GSDMA: variants seen among roughly 807,000 people sequenced by gnomAD.
GSDMA encodes gasdermin A.
Under a neutral mutation model 54.3 loss-of-function variants are expected in GSDMA, and 55 were observed. The observed-to-expected ratio is 1.01, with a 90% confidence interval of 0.82 to 1.27. The LOEUF (loss-of-function observed/expected upper bound fraction) is 1.27, where lower values mean the gene tolerates loss of function less well. GSDMA is among the 50% of genes most tolerant of loss of function. The pLI, the probability that GSDMA is intolerant of heterozygous loss-of-function variation, is 0.00. For missense variants in GSDMA, 542 were observed against 542.6 expected (o/e 1.00, Z 0.01); for synonymous variants, 211 against 224.7 (o/e 0.94, Z 0.54).
At chr17:39,976,493 G>A (rs1413609113) in intron 11 of GSDMA, among the ~76,000 whole-genome samples, 1 of 152,054 alleles carries the variant, frequency 6.6e-6, no homozygotes, top group Non-Finnish European at 1.5e-5. Context: ...GGCCAGGCTG[G>A]TCTCAAACTC....
Position 39,966,259 on chromosome 17 carries a change from G to A in GSDMA, c.215-1G>A, listed in dbSNP as rs764152602. The stretch of plus-strand genomic sequence containing the variant: ...CCCCTTTTGTCTTTTCCCTCCTGCA[G>A]ACCCAACAGACACTGGGAATTTTGG... On this transcript the variant is annotated splice_acceptor_variant, in intron 2 of 11. Coordinates refer to ENST00000301659, the MANE Select transcript of GSDMA (RefSeq NM_178171.5). LOFTEE classifies it high-confidence loss of function. 5 of 1,613,882 alleles carry A rather than the reference G, an allele frequency of 3.1e-6. No individual in the cohort carries two copies. Among genetic ancestry groups the A allele is most frequent in the Non-Finnish European group, 4.2e-6 (5 of 1,179,878 alleles).
chr17:39,976,560 G>A (rs1321377852), intron 11 of GSDMA, among the ~76,000 whole-genome samples: 1 of 152,156 alleles, frequency 6.6e-6, no homozygotes, highest in Non-Finnish European at 1.5e-5. Context: ...TTACAGGTGT[G>A]AGCCACCTCG....
intron 4 of GSDMA, 30 bp downstream of exon 4, chr17:39,970,677 A>T (rs867907374): frequency 9.5e-5 from 79 of 827,962 alleles, no homozygotes; most frequent in Middle Eastern, 3.4e-4. Flanking sequence ...ACACACACAC[A>T]CACACACTCT....
intron 1 of GSDMA, among the ~76,000 whole-genome samples, chr17:39,964,632 A>G (rs1048052831): frequency 6.6e-6 from 1 of 151,862 alleles, no homozygotes; most frequent in Admixed American, 6.6e-5. Flanking sequence ...GAGTGGGTGT[A>G]CTCATACCTG....
At position 39,970,679 on chromosome 17, in the gene GSDMA, A is replaced by ACTCT. The variant is rs1230674567; in HGVS notation, c.558+33_558+34insTCTC. 4 of 560,148 alleles carry ACTCT rather than the reference A, an allele frequency of 7.1e-6. No individual in the cohort carries two copies. In the African/African-American group the frequency reaches 8.3e-5, roughly 12 times the overall value. 34.7% of individuals were successfully genotyped at this position (560,148 alleles called of 1,614,324 possible). A position where few individuals can be genotyped will look rare whatever the true frequency, so the allele number is the denominator to read the frequency against. ...TTCAAACACACACACACACACACACACACACTCTCACACTCACACTCACAC... is the reference window on the plus strand; with the variant it reads ...TTCAAACACACACACACACACACACACTCTCACACTCTCACACTCACACTCACAC... On this transcript the variant is annotated intron_variant, in intron 4 of 11. Coordinates refer to ENST00000301659, the MANE Select transcript of GSDMA (RefSeq NM_178171.5).
Position 39,970,536 on chromosome 17 carries a change from C to T in GSDMA, c.447C>T (p.Asn149=), listed in dbSNP as rs751932650. 9 of 1,606,560 alleles carry T rather than the reference C, an allele frequency of 5.6e-6. No homozygotes were observed. In the East Asian group the frequency reaches 2.1e-4, roughly 37 times the overall value. The change falls in exon 4 of 12, where the codon AAC becomes AAT. Residue 149 remains asparagine, a synonymous_variant. Transcript: ENST00000301659. ...FLKEMQDQGE[N]LYVVMEVVET... is the part of the protein sequence containing the mutation. ...AGGAGATGCAAGATCAAGGGGAGAA[C>T]CTGTATGTGGTGATGGAGGTGGTGG...
In GSDMA at chr17:39,972,132, T is replaced by C; in HGVS notation, c.659T>C (p.Ile220Thr). The C allele has an allele frequency of 1.4e-6, 1 of 719,444 alleles. No homozygotes were observed. The highest frequency in any genetic ancestry group is 2.3e-6 in the Non-Finnish European group (1 of 442,684). 44.6% of individuals were successfully genotyped at this position (719,444 alleles called of 1,614,324 possible). A position where few individuals can be genotyped will look rare whatever the true frequency, so the allele number is the denominator to read the frequency against. Residue 220 changes from isoleucine to threonine, a missense_variant, in exon 6 of 12, where the codon ATT (isoleucine) becomes ACT (threonine). Physicochemically the swap from Ile to Thr is moderately conservative, Grantham distance 89. Transcript: ENST00000301659. The stretch of plus-strand genomic sequence containing the variant: ...CTCCCTCCCTTGCCCTTCACAGATA[T>C]TCCACATATCTGCAATGATAACATG... The part of the protein sequence containing the change: ...LMVKGKDEWD[I>T]PHICNDNMQT...
intron 3 of GSDMA, among the ~76,000 whole-genome samples, chr17:39,968,752 C>T (rs1010381849): frequency 1.3e-5 from 2 of 152,010 alleles, no homozygotes; most frequent in African/African-American, 2.4e-5. Flanking sequence ...CCATTGCCAA[C>T]GGTGATAGAA....
chr17:39,977,151 G>T lies in GSDMA; in HGVS notation c.*93G>T. The T allele has an allele frequency of 7.0e-7, 1 of 1,435,440 alleles. No homozygotes were observed. The highest frequency in any genetic ancestry group is 9.5e-7 in the Non-Finnish European group (1 of 1,049,382). The allele number at this position is 1,435,440 out of a possible 1,614,324, so 88.9% of individuals were successfully genotyped here. ...ACCTAAGGGCATTTCAGAGCCATCA[G>T]CTGAAGACATCTGAAATCTCAGCTG... On this transcript the variant is annotated 3_prime_UTR_variant, in exon 12 of 12. Coordinates refer to ENST00000301659, the MANE Select transcript of GSDMA (RefSeq NM_178171.5).
At chr17:39,963,933 C>G (rs1233457375) in intron 1 of GSDMA, among the ~76,000 whole-genome samples, 1 of 152,216 alleles carries the variant, frequency 6.6e-6, no homozygotes, top group African/African-American at 2.4e-5. Flanking sequence ...TAGCGCACAT[C>G]TCTCAGGGCC....
At chr17:39,976,276 ATT>A (rs10549101) in intron 11 of GSDMA, among the ~76,000 whole-genome samples, 6,481 of 142,682 alleles carry the variant, frequency 0.045, 378 homozygotes, top group African/African-American at 0.14. Flanking sequence ...TTGTAAGCAA[ATT>A]TTTTTTTTTT....
At chr17:39,967,355 T>C (rs1298181472) in intron 3 of GSDMA, among the ~76,000 whole-genome samples, 1 of 152,076 alleles carries the variant, frequency 6.6e-6, no homozygotes, top group Non-Finnish European at 1.5e-5. Context: ...CCTTGAAAGA[T>C]GAGCAGAAAT....
In GSDMA at chr17:39,977,088, C is replaced by T. The variant is rs1381792705; in HGVS notation, c.*30C>T. ...CCTTTTACGTCTGCTTCATGACTCC[C>T]TAATGCCTTCCCAACCTCGTGGTGC... On this transcript the variant is annotated 3_prime_UTR_variant, in exon 12 of 12. Transcript: ENST00000301659. 1 of 1,610,968 alleles carries T rather than the reference C, an allele frequency of 6.2e-7. No homozygotes were observed. The highest frequency in any genetic ancestry group is 8.5e-7 in the Non-Finnish European group (1 of 1,177,906).
intron 5 of GSDMA, among the ~76,000 whole-genome samples, chr17:39,971,868 T>C (rs1339125048): frequency 6.6e-6 from 1 of 152,186 alleles, no homozygotes; most frequent in Non-Finnish European, 1.5e-5. Flanking sequence ...ATGCACTGCC[T>C]CTGCTCTCAA....
intron 3 of GSDMA, among the ~76,000 whole-genome samples, chr17:39,968,882 C>G (rs1473460959): frequency 6.6e-6 from 1 of 152,140 alleles, no homozygotes; most frequent in Admixed American, 6.5e-5. Context: ...AGGTGACAAA[C>G]AGGAAGACAC....
chr17:39,969,567 C>T (rs140096691), intron 3 of GSDMA, among the ~76,000 whole-genome samples: 15 of 152,256 alleles, frequency 9.9e-5, no homozygotes, highest in African/African-American at 3.6e-4. Context: ...CAAGAGAAGC[C>T]AGCGTTGCAC....
chr17:39,975,203 C>T (rs905626602), intron 10 of GSDMA, among the ~76,000 whole-genome samples, 189 bp downstream of exon 10: 1 of 152,152 alleles, frequency 6.6e-6, no homozygotes, highest in African/African-American at 2.4e-5. Context: ...AATCCCAGCA[C>T]TTTGGGAGGC....
chr17:39,974,448 G>A, intron 9 of GSDMA, 21 bp downstream of exon 9: 1 of 1,555,136 alleles, frequency 6.4e-7, no homozygotes, highest in Non-Finnish European at 8.7e-7. Flanking sequence ...AGTGGAAGTG[G>A]GGAAGGGTGG....
rs1979667136 is a variant in GSDMA, at chr17:39,966,392, A to G, written c.347A>G (p.Gln116Arg). Residue 116 changes from glutamine (Q) to arginine (R), a missense_variant, in exon 3 of 12, where the codon CAG becomes CGG. By Grantham distance (43) the Gln-to-Arg change is conservative. Transcript: ENST00000301659. ...GLSQNSTLEV[Q>R]TLSVAPKALE... The stretch of plus-strand genomic sequence containing the variant: ...TCGCAGAACAGCACTCTGGAGGTCC[A>G]GACACTCAGTGTGGCTCCCAAGGCC... 1.2e-6 allele frequency: 2 copies of G among 1,613,394 alleles called. No homozygotes were observed. The highest frequency in any genetic ancestry group is 1.7e-6 in the Non-Finnish European group (2 of 1,179,730).
Sources: allele counts gnomAD v4.1 joint callset (sites outside exome capture counted in the v4.1 genomes callset), GRCh38; gene constraint gnomAD v4.1.1; transcripts MANE v1.5; gene names NCBI Gene and HGNC (gene_info 2026-07-23, HGNC 2026-07-21).